The following SKAP1 variants were observed in gnomAD, a reference collection of about 807,000 sequenced individuals.
The protein encoded by SKAP1 is src kinase-associated phosphoprotein 1.
Under a neutral mutation model 58.5 loss-of-function variants are expected in SKAP1, and 44 were observed. That is an observed-to-expected ratio of 0.75 (90% CI 0.59 to 0.97). SKAP1 has a LOEUF of 0.97. Among genes scored for constraint, SKAP1 ranks in the 50% least tolerant of loss-of-function variants. The probability of loss-of-function intolerance (pLI) is 0.00; values close to 1 mark genes in which losing one functional copy is unlikely to be tolerated. For synonymous variants in SKAP1, 127 were observed against 149.7 expected (o/e 0.85, Z 1.11); for missense variants, 390 against 435.2 (o/e 0.90, Z 0.92).
intron 4 of SKAP1, among the ~76,000 whole-genome samples, chr17:48,283,206 G>C (rs1483742293): frequency 1.3e-5 from 2 of 152,186 alleles, no homozygotes; most frequent in Non-Finnish European, 2.9e-5. Flanking sequence ...CATAACTGAT[G>C]AGAGAATGCA....
At chr17:48,344,383 C>T (rs768660085) in intron 4 of SKAP1, 25 of 167,206 alleles carry the variant, frequency 1.5e-4, no homozygotes, top group Non-Finnish European at 2.8e-4. Context: ...AGCAAAGGGC[C>T]TTAGGGGTTC....
intron 6 of SKAP1, among the ~76,000 whole-genome samples, chr17:48,186,210 G>A (rs905565778): frequency 2.6e-5 from 4 of 152,208 alleles, no homozygotes; most frequent in Admixed American, 2.6e-4. Flanking sequence ...AGGAGAAATT[G>A]TGGTTGCTGG....
intron 4 of SKAP1, among the ~76,000 whole-genome samples, chr17:48,317,013 TG>T (rs1426386127): frequency 6.6e-6 from 1 of 152,190 alleles, no homozygotes; most frequent in East Asian, 1.9e-4. Flanking sequence ...ATCCAGCCCC[TG>T]GATCATGGGC....
At chr17:48,204,085 CT>C (rs56871952) in intron 4 of SKAP1, 17,856 of 139,666 alleles carry the variant, frequency 0.13, 1,434 homozygotes, top group East Asian at 0.43. Flanking sequence ...AGATTTTTTT[CT>C]TTTTTTTTTT....
chr17:48,152,230 C>T (rs948927100), intron 11 of SKAP1, among the ~76,000 whole-genome samples: 1 of 152,180 alleles, frequency 6.6e-6, no homozygotes, highest in Non-Finnish European at 1.5e-5. Flanking sequence ...TCTTGCATAA[C>T]TAATCCTATA....
chr17:48,377,629 TGTG>T (rs2067166956), intron 2 of SKAP1, among the ~76,000 whole-genome samples: 1 of 151,820 alleles, frequency 6.6e-6, no homozygotes, highest in Non-Finnish European at 1.5e-5. Flanking sequence ...ACAATCCAAT[TGTG>T]CAATTTTTCT....
rs191171737 is a variant in SKAP1 at position 48,412,138 on chromosome 17, A to T, written c.47-15353T>A. Among the ~76,000 whole-genome samples the T allele has an allele frequency of 4.9e-4, 74 of 152,312 alleles. 1 individual carries two copies. Among genetic ancestry groups the T allele is most frequent in the Admixed American group, 1.3e-3 (20 of 15,298 alleles). ...TCTATAAATCTGAAACTGTTCTAAAAATATAAAGCCTATTAATTTAAAAAG... is the reference window on the plus strand; with the variant it reads ...TCTATAAATCTGAAACTGTTCTAAATATATAAAGCCTATTAATTTAAAAAG... On this transcript the variant is annotated intron_variant, in intron 1 of 12. Transcript: ENST00000336915.
chr17:48,429,807 C>T (rs1453747984), intron 1 of SKAP1, among the ~76,000 whole-genome samples: 1 of 152,164 alleles, frequency 6.6e-6, no homozygotes, highest in Non-Finnish European at 1.5e-5. Context: ...GACCAAGAAC[C>T]TGGCCTGAGG....
In SKAP1 at chr17:48,160,625, A is replaced by C. The variant is rs185020572; in HGVS notation, c.978+1844T>G. The stretch of plus-strand genomic sequence containing the variant: ...AACTAGAGGAAAGGGACCCCCAGTG[A>C]GAAGCCATTAACAAAGGCAAAAGAC... On this transcript the variant is annotated intron_variant, in intron 11 of 12. Coordinates refer to ENST00000336915, the MANE Select transcript of SKAP1 (RefSeq NM_003726.4). Among the ~76,000 whole-genome samples the C allele has an allele frequency of 4.9e-4, 75 of 152,336 alleles. 1 individual carries two copies. The highest frequency in any genetic ancestry group is 1.3e-3 in the Admixed American group (20 of 15,304).
chr17:48,435,363 T>C, the SKAP1 span, among the ~76,000 whole-genome samples: 2 of 152,122 alleles, frequency 1.3e-5, no homozygotes, highest in African/African-American at 4.8e-5. Context: ...TGATTGGTTC[T>C]CTTGGGGATC....
At chr17:48,276,124 GAAAT>G (rs1182862795) in intron 4 of SKAP1, among the ~76,000 whole-genome samples, 1 of 152,070 alleles carries the variant, frequency 6.6e-6, no homozygotes, top group Non-Finnish European at 1.5e-5. Context: ...GATCAAGAGA[GAAAT>G]AAATAACCAT....
intron 5 of SKAP1, among the ~76,000 whole-genome samples, chr17:48,188,988 AAACAACAAC>A (rs1044612720): frequency 1.1e-4 from 17 of 152,286 alleles, no homozygotes; most frequent in Admixed American, 9.8e-4. Flanking sequence ...ACTCTGTCTC[AAACAACAAC>A]AACAACAATA....
intron 4 of SKAP1, among the ~76,000 whole-genome samples, chr17:48,230,134 C>T (rs1286954534): frequency 6.6e-6 from 1 of 152,146 alleles, no homozygotes; most frequent in East Asian, 1.9e-4. Context: ...CATTACTGGG[C>T]TGTCTGCTCT....
intron 6 of SKAP1, among the ~76,000 whole-genome samples, chr17:48,186,227 G>T (rs1001849397): frequency 6.6e-6 from 1 of 152,190 alleles, no homozygotes; most frequent in Non-Finnish European, 1.5e-5. Context: ...CTGGGTTGGA[G>T]AGTGGGCTGG....
intron 2 of SKAP1, among the ~76,000 whole-genome samples, chr17:48,367,914 C>CAA (rs66499523): frequency 7.5e-6 from 1 of 132,988 alleles, no homozygotes; most frequent in Non-Finnish European, 1.6e-5. Context: ...GATCCTGTCT[C>CAA]AAAAAAAAAA....
At chr17:48,333,739 C>T (rs1280816012) in intron 4 of SKAP1, among the ~76,000 whole-genome samples, 1 of 151,786 alleles carries the variant, frequency 6.6e-6, no homozygotes. Context: ...AAAAGTTTTC[C>T]CTGTTTAGCT....
intron 4 of SKAP1, among the ~76,000 whole-genome samples, chr17:48,274,618 C>T (rs937770487): frequency 6.6e-6 from 1 of 152,056 alleles, no homozygotes; most frequent in Non-Finnish European, 1.5e-5. Context: ...ATCGCTTGAA[C>T]CCTGGAGGTG....
intron 1 of SKAP1, among the ~76,000 whole-genome samples, chr17:48,413,523 A>AATATATATATATATATATATAT (rs1555624885): frequency 2.8e-5 from 3 of 105,422 alleles, no homozygotes; most frequent in African/African-American, 1.3e-4. Flanking sequence ...TCAAAAAAAA[A>AATATATATATATATATATATAT]ATATATATAT....
intron 1 of SKAP1, among the ~76,000 whole-genome samples, chr17:48,429,846 G>A (rs1430053668): frequency 1.3e-5 from 2 of 152,212 alleles, no homozygotes; most frequent in East Asian, 3.8e-4. Flanking sequence ...GTGAAGTGGA[G>A]GCGTGGAGGT....
Sources: allele counts gnomAD v4.1 joint callset (sites outside exome capture counted in the v4.1 genomes callset), GRCh38; gene constraint gnomAD v4.1.1; transcripts MANE v1.5; gene names NCBI Gene and HGNC (gene_info 2026-07-23, HGNC 2026-07-21).